The following C2orf76 variants were observed in gnomAD, a reference collection of about 807,000 sequenced individuals.
C2orf76 encodes chromosome 2 open reading frame 76.
In C2orf76, 23 loss-of-function variants were observed where a neutral mutation model predicts 16.9. That is an observed-to-expected ratio of 1.36 (90% CI 0.98 to 1.93). The LOEUF (loss-of-function observed/expected upper bound fraction) is 1.93, where lower values mean the gene tolerates loss of function less well. Ranked by LOEUF, C2orf76 falls within the 30% of genes most tolerant of loss-of-function variation. The pLI, the probability that C2orf76 is intolerant of heterozygous loss-of-function variation, is 0.00. For synonymous variants in C2orf76, 48 were observed against 52.3 expected (o/e 0.92, Z 0.35); for missense variants, 152 against 152.6 (o/e 1.00, Z 0.02).
chr2:119,322,865 G>C (rs1054390426), intron 2 of C2orf76, among the ~76,000 whole-genome samples: 8 of 146,722 alleles, frequency 5.5e-5, no homozygotes, highest in Admixed American at 4.7e-4. Context: ...GGTGGGGAGG[G>C]CAGGGGGGTG....
chr2:119,322,216 T>C (rs1180579729), intron 2 of C2orf76, among the ~76,000 whole-genome samples: 1 of 152,096 alleles, frequency 6.6e-6, no homozygotes, highest in Non-Finnish European at 1.5e-5. Context: ...ATTTATTGAT[T>C]AACTGATTGA....
At chr2:119,337,186 C>A (rs538934548) in intron 2 of C2orf76, among the ~76,000 whole-genome samples, 64 of 152,060 alleles carry the variant, frequency 4.2e-4, no homozygotes, top group Non-Finnish European at 6.3e-4. Flanking sequence ...CTCCTGAGTG[C>A]TGGCACTACA....
the C2orf76 span, among the ~76,000 whole-genome samples, chr2:119,284,933 G>A: frequency 1.1e-4 from 16 of 152,222 alleles, no homozygotes; most frequent in South Asian, 3.3e-3. Context: ...GGAGACCTTA[G>A]GCAAATTAAC....
the C2orf76 span, among the ~76,000 whole-genome samples, chr2:119,289,255 A>T: frequency 6.6e-6 from 1 of 151,992 alleles, no homozygotes; most frequent in African/African-American, 2.4e-5. Flanking sequence ...GAAGGTAGGG[A>T]CATACTGTAC....
At chr2:119,286,833 G>A in the C2orf76 span, among the ~76,000 whole-genome samples, 1 of 152,156 alleles carries the variant, frequency 6.6e-6, no homozygotes, top group Non-Finnish European at 1.5e-5. Context: ...GGAAGGGAAG[G>A]GGAGGCCGTT....
At position 119,330,353 on chromosome 2, in the gene C2orf76, C is replaced by CAA. The variant is rs371947780; in HGVS notation, c.134-9151_134-9150dup. On this transcript the variant is annotated intron_variant, in intron 2 of 5. Transcript: ENST00000334816. ...GATCATGCCACTGCACTCTCCATCT[C>CAA]AAAAAAAAAAAAAAAATGTTAATCC... Among the ~76,000 whole-genome samples the CAA allele has an allele frequency of 2.3e-3, 316 of 137,536 alleles. 3 individuals are homozygous for CAA. The highest frequency in any genetic ancestry group is 9.7e-3 in the East Asian group (44 of 4,540). The allele number at this position is 137,536 out of a possible 152,430, so 90.2% of individuals were successfully genotyped here.
the C2orf76 span, among the ~76,000 whole-genome samples, chr2:119,282,709 T>A: frequency 6.6e-6 from 1 of 152,148 alleles, no homozygotes; most frequent in Non-Finnish European, 1.5e-5. Context: ...CAGAGCTGCA[T>A]CCCTGGAGGG....
chr2:119,290,207 G>A, the C2orf76 span, among the ~76,000 whole-genome samples: 4,760 of 151,556 alleles, frequency 0.031, 116 homozygotes, highest in South Asian at 0.085. Context: ...GCAGAAGAAC[G>A]TCTCCCTGCA....
chr2:119,331,719 C>T (rs112461028), intron 2 of C2orf76, among the ~76,000 whole-genome samples: 53 of 152,244 alleles, frequency 3.5e-4, no homozygotes, highest in Admixed American at 6.5e-4. Context: ...TTCCCCAATC[C>T]CAGGGAAATG....
chr2:119,291,779 G>A, the C2orf76 span, among the ~76,000 whole-genome samples: 15 of 152,080 alleles, frequency 9.9e-5, no homozygotes, highest in Admixed American at 2.6e-4. Context: ...CTCTCTGCGC[G>A]ATGGGATTAG....
At chr2:119,285,388 G>A in the C2orf76 span, among the ~76,000 whole-genome samples, 1 of 150,594 alleles carries the variant, frequency 6.6e-6, no homozygotes, top group Non-Finnish European at 1.5e-5. Flanking sequence ...GGAGCTTCTT[G>A]GGGGAAGTGC....
At chr2:119,334,888 C>T (rs539494270) in intron 2 of C2orf76, among the ~76,000 whole-genome samples, 1 of 151,966 alleles carries the variant, frequency 6.6e-6, no homozygotes, top group Non-Finnish European at 1.5e-5. Context: ...GTGCTTATGG[C>T]GAAAGGACAC....
At chr2:119,351,130 A>C (rs1680389126) in intron 1 of C2orf76, among the ~76,000 whole-genome samples, 1 of 152,200 alleles carries the variant, frequency 6.6e-6, no homozygotes, top group Non-Finnish European at 1.5e-5. Flanking sequence ...ACATTTTGGC[A>C]AATGATCAAT....
At chr2:119,355,266 A>G (rs893552785) in intron 1 of C2orf76, among the ~76,000 whole-genome samples, 1 of 152,188 alleles carries the variant, frequency 6.6e-6, no homozygotes, top group African/African-American at 2.4e-5. Flanking sequence ...GTTGGGAGAC[A>G]TTTCTCCATG....
At chr2:119,339,117 A>T (rs1679943340) in intron 2 of C2orf76, 2 of 152,230 alleles carry the variant, frequency 1.3e-5, no homozygotes, top group Admixed American at 6.5e-5. Context: ...AAAGTAAAAA[A>T]ATTACATTGG....
the C2orf76 span, among the ~76,000 whole-genome samples, chr2:119,283,055 A>C: frequency 1.2e-4 from 19 of 152,322 alleles, no homozygotes; most frequent in Middle Eastern, 3.4e-3. Flanking sequence ...GATGTCATGA[A>C]TAATTAGCAG....
intron 2 of C2orf76, among the ~76,000 whole-genome samples, chr2:119,330,068 A>G (rs72829483): frequency 0.18 from 28,114 of 152,042 alleles, 2,827 homozygotes; most frequent in East Asian, 0.22. Flanking sequence ...TTCATTCCTT[A>G]ACTGCTTTAA....
chr2:119,342,222 TACC>T (rs1401150262), intron 1 of C2orf76, among the ~76,000 whole-genome samples: 1 of 152,176 alleles, frequency 6.6e-6, no homozygotes, highest in East Asian at 1.9e-4. Context: ...TCAAAAATAC[TACC>T]ACGAGTGGAA....
intron 1 of C2orf76, among the ~76,000 whole-genome samples, chr2:119,356,200 C>T (rs1326289389): frequency 6.6e-6 from 1 of 152,010 alleles, no homozygotes; most frequent in Non-Finnish European, 1.5e-5. Context: ...GTCAGGAGTT[C>T]CAGACCAGAC....
Sources: gnomAD v4.1 joint callset for allele counts (sites outside exome capture counted in the v4.1 genomes callset) on GRCh38, gnomAD v4.1.1 for gene constraint, MANE v1.5 for transcripts, NCBI Gene and HGNC (gene_info 2026-07-23, HGNC 2026-07-21) for gene names.